Variants in MAST4 observed in about 807,000 individuals in gnomAD.
The protein encoded by MAST4 is microtubule associated serine/threonine kinase family member 4, also known as microtubule-associated serine/threonine-protein kinase 4.
A neutral mutation model predicts 162.7 loss-of-function variants in MAST4; 89 were observed. The ratio of observed to expected loss-of-function variants is 0.55; its 90% CI spans 0.46 to 0.65. MAST4 has a LOEUF of 0.65. Among genes scored for constraint, MAST4 ranks in the 30% least tolerant of loss-of-function variants. The pLI, the probability that MAST4 is intolerant of heterozygous loss-of-function variation, is 0.00. For synonymous variants in MAST4, 1,479 were observed against 1,361.1 expected (o/e 1.09, Z -1.91); for missense variants, 3,153 against 3,374.0 (o/e 0.93, Z 1.62).
Position 67,104,459 on chromosome 5 carries a change from A to G in MAST4, c.1240A>G (p.Thr414Ala). 1.2e-6 allele frequency: 2 copies of G among 1,613,764 alleles called. No individual in the cohort carries two copies. The highest frequency in any genetic ancestry group is 8.5e-7 in the Non-Finnish European group (1 of 1,179,812). Reference sequence around the variant, plus strand: ...CTTAGCAGATGGAGTGCTTAGTTTCACTCACCACCAGATTATTGAACTGGC... The same window carrying G: ...CTTAGCAGATGGAGTGCTTAGTTTCGCTCACCACCAGATTATTGAACTGGC... The part of the protein sequence containing the change: ...LPLADGVLSF[T>A]HHQIIELARD... Residue 414 changes from threonine to alanine, a missense_variant, in exon 10 of 29, where the codon ACT becomes GCT. By Grantham distance (58) the Thr-to-Ala change is moderately conservative. Around this residue, in one of 7 missense-constraint regions of MAST4, gnomAD observed 360 missense variants for 450.0 expected, o/e 0.80. Coordinates refer to ENST00000403625, the MANE Select transcript of MAST4 (RefSeq NM_001164664.2).
intron 1 of MAST4, among the ~76,000 whole-genome samples, chr5:66,620,162 C>T (rs986105524): frequency 6.6e-6 from 1 of 151,468 alleles, no homozygotes; most frequent in African/African-American, 2.4e-5. Context: ...CATCATATCC[C>T]ATGATGCTGA....
intron 4 of MAST4, among the ~76,000 whole-genome samples, chr5:67,008,046 C>CT (rs1398539690): frequency 6.6e-6 from 1 of 152,142 alleles, no homozygotes. Flanking sequence ...TGCACACTGG[C>CT]TTTTGTCTAC....
At chr5:66,984,102 G>T (rs1749181477) in intron 4 of MAST4, among the ~76,000 whole-genome samples, 1 of 152,200 alleles carries the variant, frequency 6.6e-6, no homozygotes, top group East Asian at 1.9e-4. Context: ...TCCCAGTGGG[G>T]TGCAGGGATT....
At chr5:66,989,699 A>G (rs1323092930) in intron 4 of MAST4, among the ~76,000 whole-genome samples, 1 of 152,230 alleles carries the variant, frequency 6.6e-6, no homozygotes, top group East Asian at 1.9e-4. Context: ...ACACAGTCAC[A>G]CTAAGCAAAA....
chr5:67,090,016 C>T (rs1763653320), intron 5 of MAST4, 146 bp from the exon 6 acceptor site: 1 of 556,294 alleles, frequency 1.8e-6, no homozygotes, highest in South Asian at 1.8e-5. Context: ...ACCCCACCAT[C>T]CCTGGTCCAG....
intron 14 of MAST4, among the ~76,000 whole-genome samples, chr5:67,125,419 C>T (rs192428752): frequency 6.6e-6 from 1 of 151,980 alleles, no homozygotes; most frequent in Non-Finnish European, 1.5e-5. Flanking sequence ...AACTCCCCGA[C>T]AGGCCCCAGT....
In MAST4 at chr5:67,165,157, G is replaced by A. The variant is rs758503250; in HGVS notation, c.5978G>A (p.Cys1993Tyr). 63 of 1,598,238 alleles carry A rather than the reference G, an allele frequency of 3.9e-5. No homozygotes were observed. The Admixed American group carries it at 1.1e-3, about 28-fold the overall frequency. Reference protein sequence around the residue: ...SERSAARADTCREPSMELCFP... With the variant: ...SERSAARADTYREPSMELCFP... ...CGCTCTGCTGCGAGGGCTGACACATGCAGAGAGCCCTCCATGGAACTGTGC... is the reference window on the plus strand; with the variant it reads ...CGCTCTGCTGCGAGGGCTGACACATACAGAGAGCCCTCCATGGAACTGTGC... The change falls in exon 29 of 29, where the codon TGC becomes TAC. Residue 1993 changes from cysteine (C) to tyrosine (Y), a missense_variant. By Grantham distance (194) the Cys-to-Tyr change is radical. Coordinates refer to ENST00000403625, the MANE Select transcript of MAST4 (RefSeq NM_001164664.2).
chr5:66,901,270 CT>C (rs1470946145), intron 4 of MAST4, among the ~76,000 whole-genome samples: 1 of 151,860 alleles, frequency 6.6e-6, no homozygotes, highest in Admixed American at 6.6e-5. Flanking sequence ...TCAAATCTTG[CT>C]TTTAGCCTTT....
intron 4 of MAST4, among the ~76,000 whole-genome samples, chr5:66,918,843 G>C (rs1764282713): frequency 6.6e-6 from 1 of 151,928 alleles, no homozygotes; most frequent in Non-Finnish European, 1.5e-5. Context: ...TATAATGAAT[G>C]GTATATATAT....
chr5:66,969,824 A>G (rs1182050201), intron 4 of MAST4, among the ~76,000 whole-genome samples: 7 of 152,258 alleles, frequency 4.6e-5, no homozygotes, highest in African/African-American at 1.7e-4. Context: ...GCTTTTTACA[A>G]TGAGAGGTCC....
chr5:66,907,158 C>CGAGAGAGAGAGAGAGAGAGA (rs34963439), intron 4 of MAST4, among the ~76,000 whole-genome samples: 7 of 104,356 alleles, frequency 6.7e-5, no homozygotes, highest in African/African-American at 1.9e-4. Flanking sequence ...CTCAGCAAAG[C>CGAGAGAGAGAGAGAGAGAGA]GAGAGAGAGA....
intron 3 of MAST4, among the ~76,000 whole-genome samples, chr5:66,838,791 A>C (rs1758214054): frequency 6.6e-6 from 1 of 152,186 alleles, no homozygotes; most frequent in Non-Finnish European, 1.5e-5. Flanking sequence ...ATCTTTTTCA[A>C]GGAATTGCAA....
chr5:66,899,592 CCTACTT>C (rs1762883648), intron 3 of MAST4, among the ~76,000 whole-genome samples: 1 of 152,130 alleles, frequency 6.6e-6, no homozygotes, highest in South Asian at 2.1e-4. Context: ...CAAAATGTCT[CCTACTT>C]CTTATAGTTA....
intron 4 of MAST4, among the ~76,000 whole-genome samples, chr5:66,947,565 C>T (rs1580975809): frequency 6.6e-6 from 1 of 152,134 alleles, no homozygotes; most frequent in South Asian, 2.1e-4. Flanking sequence ...CACTTTACTA[C>T]TCAACACTGC....
intron 4 of MAST4, among the ~76,000 whole-genome samples, chr5:67,011,173 C>G (rs1752624567): frequency 6.6e-6 from 1 of 152,130 alleles, no homozygotes; most frequent in African/African-American, 2.4e-5. Context: ...CCTGACCGAG[C>G]GTCTCTGGCT....
At chr5:66,675,084 A>G (rs146264576) in intron 1 of MAST4, among the ~76,000 whole-genome samples, 316 of 152,268 alleles carry the variant, frequency 2.1e-3, no homozygotes, top group Admixed American at 4.5e-3. Context: ...TGCCGTATGC[A>G]TTCTGAACTG....
chr5:66,782,329 A>G (rs1477747810), intron 2 of MAST4, among the ~76,000 whole-genome samples: 1 of 151,878 alleles, frequency 6.6e-6, no homozygotes, highest in Non-Finnish European at 1.5e-5. Flanking sequence ...AGGAGAGGTC[A>G]TATATAGCCT....
At chr5:66,684,270 A>G (rs1234043797) in intron 1 of MAST4, among the ~76,000 whole-genome samples, 1 of 152,212 alleles carries the variant, frequency 6.6e-6, no homozygotes, top group Admixed American at 6.5e-5. Flanking sequence ...CACAGCACTT[A>G]AAGGCTGACA....
intron 4 of MAST4, among the ~76,000 whole-genome samples, chr5:66,932,335 A>G (rs576244060): frequency 6.6e-6 from 1 of 152,320 alleles, no homozygotes; most frequent in African/African-American, 2.4e-5. Context: ...CAGTAAATTC[A>G]TAAGATGGCT....
Sources: allele counts gnomAD v4.1 joint callset (sites outside exome capture counted in the v4.1 genomes callset), GRCh38; gene constraint gnomAD v4.1.1; regional missense constraint gnomAD v4.1.1; transcripts MANE v1.5; gene names NCBI Gene and HGNC (gene_info 2026-07-23, HGNC 2026-07-21).